CDH10: variants seen among roughly 807,000 people sequenced by gnomAD.
CDH10 encodes cadherin-10.
Under a neutral mutation model 73.1 loss-of-function variants are expected in CDH10, and 30 were observed. That is an observed-to-expected ratio of 0.41 (90% CI 0.31 to 0.56). The LOEUF (loss-of-function observed/expected upper bound fraction) is 0.56, where lower values mean the gene tolerates loss of function less well. CDH10 is among the 20% of genes least tolerant of loss of function. CDH10 has a pLI of 0.27. For missense variants in CDH10, 815 were observed against 973.7 expected, an observed-to-expected ratio of 0.84 and a Z score of 2.17; for synonymous variants, 345 against 348.2, an observed-to-expected ratio of 0.99 and a Z score of 0.10.
chr5:24,581,732 C>A (rs6867570), intron 2 of CDH10, among the ~76,000 whole-genome samples: 143,326 of 152,232 alleles, frequency 0.94, 67,662 homozygotes, highest in East Asian at 1. Context: ...ATCATCCAGA[C>A]GAAGTGTCAA....
At chr5:24,616,389 A>G (rs1193860942) in intron 1 of CDH10, among the ~76,000 whole-genome samples, 1 of 152,206 alleles carries the variant, frequency 6.6e-6, no homozygotes, top group East Asian at 1.9e-4. Flanking sequence ...GTAGGAAAGA[A>G]CACTGAATAT....
At chr5:24,496,008 T>C (rs943951447) in intron 9 of CDH10, among the ~76,000 whole-genome samples, 1 of 152,160 alleles carries the variant, frequency 6.6e-6, no homozygotes, top group Non-Finnish European at 1.5e-5. Context: ...CATATTATTA[T>C]GGTGTCTGGA....
chr5:24,559,707 G>A (rs10043129), intron 2 of CDH10, among the ~76,000 whole-genome samples: 125,950 of 152,036 alleles, frequency 0.83, 52,207 homozygotes, highest in East Asian at 0.9. Flanking sequence ...TTTTAATTAT[G>A]GGACTGATTG....
chr5:24,551,116 CA>C (rs540604639), intron 2 of CDH10, among the ~76,000 whole-genome samples: 13 of 152,256 alleles, frequency 8.5e-5, no homozygotes, highest in Admixed American at 7.2e-4. Flanking sequence ...ACTTTGGCCT[CA>C]TCCTTTTCCA....
chr5:24,612,498 G>A (rs935146352), intron 1 of CDH10: 3 of 152,050 alleles, frequency 2.0e-5, no homozygotes, highest in Non-Finnish European at 4.4e-5. Context: ...CTGACAGTAC[G>A]GTTGAATTAA....
At chr5:24,642,652 AAC>A (rs914287272) in intron 1 of CDH10, among the ~76,000 whole-genome samples, 5 of 152,170 alleles carry the variant, frequency 3.3e-5, no homozygotes. Context: ...CTAATTAATA[AAC>A]AGTTTCTATA....
At chr5:24,583,228 A>G (rs1041698910) in intron 2 of CDH10, among the ~76,000 whole-genome samples, 41 of 149,092 alleles carry the variant, frequency 2.7e-4, no homozygotes, top group African/African-American at 8.6e-4. Flanking sequence ...AGCAGATTCC[A>G]TTAACATCTC....
chr5:24,523,197 G>A (rs1743403310), intron 5 of CDH10, among the ~76,000 whole-genome samples: 1 of 151,928 alleles, frequency 6.6e-6, no homozygotes, highest in Non-Finnish European at 1.5e-5. Context: ...AATGAGTAAT[G>A]TATAAACATA....
Position 24,505,217 on chromosome 5 carries a change from T to C in CDH10, c.1288A>G (p.Arg430Gly). Reference sequence around the variant, plus strand: ...TTTCCTGAATGAATGTTAAAGATTCTGTCAAGGTCAGTATGGCGATCCAAG... The same window carrying C: ...TTTCCTGAATGAATGTTAAAGATTCCGTCAAGGTCAGTATGGCGATCCAAG... ...FSLDRHTDLD[R>G]IFNIHSGNGS... The change falls in exon 8 of 12, where the codon AGA becomes GGA. Residue 430 changes from arginine to glycine, a missense_variant. This residue lies in a region of CDH10 where 516 missense variants were observed against 636.6 expected (regional missense o/e 0.81). Coordinates refer to ENST00000264463, the MANE Select transcript of CDH10 (RefSeq NM_006727.5). The C allele has an allele frequency of 6.2e-7, 1 of 1,613,026 alleles. No homozygotes were observed. The highest frequency in any genetic ancestry group is 8.5e-7 in the Non-Finnish European group (1 of 1,179,130).
intron 2 of CDH10, among the ~76,000 whole-genome samples, chr5:24,565,418 A>G (rs988858723): frequency 6.6e-6 from 1 of 152,342 alleles, no homozygotes; most frequent in Admixed American, 6.5e-5. Flanking sequence ...CAGAGAACAT[A>G]AAACACTGAT....
chr5:24,502,208 C>T (rs1466306222), intron 8 of CDH10, among the ~76,000 whole-genome samples: 2 of 152,120 alleles, frequency 1.3e-5, no homozygotes, highest in African/African-American at 2.4e-5. Flanking sequence ...AGGCGTGAGC[C>T]ACCGCGCCTG....
At chr5:24,492,593 T>G (rs182527729) in intron 10 of CDH10, among the ~76,000 whole-genome samples, 1 of 152,324 alleles carries the variant, frequency 6.6e-6, no homozygotes, top group African/African-American at 2.4e-5. Context: ...AATCATTTTT[T>G]AACATCCATA....
At chr5:24,620,908 A>T (rs1747294756) in intron 1 of CDH10, among the ~76,000 whole-genome samples, 1 of 152,178 alleles carries the variant, frequency 6.6e-6, no homozygotes, top group Admixed American at 6.5e-5. Context: ...TCAACTTTTG[A>T]AGGTTTATGG....
intron 5 of CDH10, among the ~76,000 whole-genome samples, chr5:24,534,797 A>C (rs1280518124): frequency 1.3e-5 from 2 of 152,122 alleles, no homozygotes; most frequent in Non-Finnish European, 2.9e-5. Context: ...TTTTCTAATA[A>C]ACATTGTTTC....
chr5:24,590,726 C>A (rs1746172073), intron 2 of CDH10, among the ~76,000 whole-genome samples: 1 of 152,024 alleles, frequency 6.6e-6, no homozygotes, highest in African/African-American at 2.4e-5. Flanking sequence ...TTCTGCTCCA[C>A]ACAGGTGCTT....
chr5:24,534,462 T>C (rs1043771758), intron 5 of CDH10, among the ~76,000 whole-genome samples: 2 of 152,034 alleles, frequency 1.3e-5, no homozygotes, highest in Non-Finnish European at 2.9e-5. Flanking sequence ...GAAAGAAGAA[T>C]AAATGCATGT....
chr5:24,573,525 C>A (rs1031105598), intron 2 of CDH10, among the ~76,000 whole-genome samples: 3 of 151,744 alleles, frequency 2.0e-5, no homozygotes, highest in Non-Finnish European at 4.4e-5. Flanking sequence ...CACGGTGAAA[C>A]CCCGACTCTA....
chr5:24,623,542 T>C (rs1199918365), intron 1 of CDH10, among the ~76,000 whole-genome samples: 2 of 152,144 alleles, frequency 1.3e-5, no homozygotes, highest in African/African-American at 4.8e-5. Flanking sequence ...ACATATGTAA[T>C]TGGAAAATGA....
intron 1 of CDH10, among the ~76,000 whole-genome samples, chr5:24,604,252 T>G (rs192422147): frequency 2.0e-4 from 30 of 152,138 alleles, no homozygotes; most frequent in Admixed American, 5.2e-4. Flanking sequence ...GAGATTGATG[T>G]GGGAGGATTG....
Sources: gnomAD v4.1 joint callset for allele counts (sites outside exome capture counted in the v4.1 genomes callset) on GRCh38, gnomAD v4.1.1 for gene constraint, gnomAD v4.1.1 regional missense constraint, MANE v1.5 for transcripts, NCBI Gene and HGNC (gene_info 2026-07-23, HGNC 2026-07-21) for gene names.